NRG1: variants seen among roughly 807,000 people sequenced by gnomAD.
The protein encoded by NRG1 is neuregulin 1.
NRG1 carries 18 observed loss-of-function variants against 63.8 expected under a neutral mutation model. The observed-to-expected ratio is 0.28, with a 90% CI of 0.19 to 0.42. NRG1 has a LOEUF of 0.42. NRG1 is among the 10% of genes least tolerant of loss of function. NRG1 has a pLI of 1.00. For missense variants in NRG1, 762 were observed against 814.7 expected, an observed-to-expected ratio of 0.94 and a Z score of 0.79; for synonymous variants, 302 against 301.3, an observed-to-expected ratio of 1.00 and a Z score of -0.02.
At chr8:31,690,239 A>ACACG (rs201811888) in intron 1 of NRG1, among the ~76,000 whole-genome samples, 1 of 151,824 alleles carries the variant, frequency 6.6e-6, no homozygotes. Flanking sequence ...TGAGTCATTT[A>ACACG]TAAATTTCCT....
chr8:32,657,400 C>T (rs1387750603), intron 5 of NRG1, among the ~76,000 whole-genome samples: 1 of 152,064 alleles, frequency 6.6e-6, no homozygotes, highest in Non-Finnish European at 1.5e-5. Context: ...GCACATGGCT[C>T]CACACTTCTC....
intron 1 of NRG1, among the ~76,000 whole-genome samples, chr8:32,258,322 C>T (rs1248198736): frequency 2.6e-5 from 4 of 152,182 alleles, no homozygotes; most frequent in African/African-American, 9.7e-5. Context: ...ACAATGATAA[C>T]AGCTGATCTT....
chr8:32,171,089 A>G (rs1222174721), intron 1 of NRG1, among the ~76,000 whole-genome samples: 1 of 152,050 alleles, frequency 6.6e-6, no homozygotes. Flanking sequence ...TAGGGAGGAG[A>G]GGAGAGGCTG....
At chr8:32,445,130 A>G (rs1397158047) in intron 1 of NRG1, among the ~76,000 whole-genome samples, 1 of 152,194 alleles carries the variant, frequency 6.6e-6, no homozygotes, top group Non-Finnish European at 1.5e-5. Context: ...TGCAGATACC[A>G]AAATCCACAG....
At chr8:32,407,300 ATATATATATATATATATAT>A (rs1206402919) in intron 1 of NRG1, among the ~76,000 whole-genome samples, 2,502 of 7,646 alleles carry the variant, frequency 0.33, 94 homozygotes, top group South Asian at 0.5. Context: ...TATATTATAT[ATATATATATATATATATAT>A]TATATATATA....
At chr8:32,066,748 G>T (rs990087547) in intron 1 of NRG1, among the ~76,000 whole-genome samples, 1 of 152,106 alleles carries the variant, frequency 6.6e-6, no homozygotes, top group African/African-American at 2.4e-5. Flanking sequence ...GCTTGATGGG[G>T]ATGGCATTGA....
In NRG1 at chr8:31,640,446, C is replaced by T. The variant is rs1433600060; in HGVS notation, c.37+1015C>T. 2 of 1,546,282 alleles carry T rather than the reference C, an allele frequency of 1.3e-6. No homozygotes were observed. The highest frequency in any genetic ancestry group is 8.7e-7 in the Non-Finnish European group (1 of 1,147,760). On this transcript the variant is annotated intron_variant, in intron 1 of 10. Transcript: ENST00000519301. This position sits in a 1 kb window ranked among gnomAD's most constrained non-coding sequence, Gnocchi z 6.3. The stretch of plus-strand genomic sequence containing the variant: ...CCCCGGTGCCCAGCGCCGGCGAGCC[C>T]GGGGAGGAGGCGCCCTATCTGGTGA...
At chr8:31,835,150 C>G (rs919634061) in intron 1 of NRG1, among the ~76,000 whole-genome samples, 3 of 152,138 alleles carry the variant, frequency 2.0e-5, no homozygotes, top group Non-Finnish European at 2.9e-5. Context: ...ATGCTTAGGT[C>G]TTTTATTTCC....
At chr8:31,776,058 G>C (rs909971603) in intron 1 of NRG1, among the ~76,000 whole-genome samples, 1 of 152,122 alleles carries the variant, frequency 6.6e-6, no homozygotes, top group Non-Finnish European at 1.5e-5. Context: ...AAGCCTGCCA[G>C]AAAGTGATTT....
At chr8:32,426,255 A>G (rs949809264) in intron 1 of NRG1, among the ~76,000 whole-genome samples, 6 of 152,278 alleles carry the variant, frequency 3.9e-5, no homozygotes, top group East Asian at 1.9e-4. Flanking sequence ...AGATTCATCA[A>G]TGGCCGTAGG....
chr8:31,919,045 G>A (rs1833666238), intron 1 of NRG1, among the ~76,000 whole-genome samples: 1 of 152,114 alleles, frequency 6.6e-6, no homozygotes, highest in Non-Finnish European at 1.5e-5. Flanking sequence ...GATCAGTGGT[G>A]ATATCCCCTT....
At chr8:32,495,817 G>A (rs964388397) in intron 1 of NRG1, among the ~76,000 whole-genome samples, 6 of 152,130 alleles carry the variant, frequency 3.9e-5, no homozygotes, top group Admixed American at 3.9e-4. Flanking sequence ...TTTATTAGCA[G>A]TGTGAGAACA....
chr8:32,579,188 C>G (rs1367356936), intron 1 of NRG1, among the ~76,000 whole-genome samples: 1 of 122,320 alleles, frequency 8.2e-6, no homozygotes, highest in Non-Finnish European at 1.7e-5. Context: ...GAAGTTCTTT[C>G]TTCTGTCTTT....
At chr8:31,746,564 G>A (rs919542452) in intron 1 of NRG1, among the ~76,000 whole-genome samples, 2 of 151,930 alleles carry the variant, frequency 1.3e-5, no homozygotes, top group African/African-American at 4.8e-5. Flanking sequence ...AGGTAGGCCC[G>A]ATACAAGAAG....
intron 5 of NRG1, among the ~76,000 whole-genome samples, chr8:32,684,669 G>A (rs1809595717): frequency 1.3e-5 from 2 of 151,854 alleles, no homozygotes; most frequent in African/African-American, 4.8e-5. Flanking sequence ...TATTTATGGG[G>A]GAACCTTTCT....
chr8:31,640,523 T>C lies in NRG1; in HGVS notation c.37+1092T>C. 2 of 1,611,632 alleles carry C rather than the reference T, an allele frequency of 1.2e-6. No homozygotes were observed. The highest frequency in any genetic ancestry group is 8.5e-7 in the Non-Finnish European group (1 of 1,179,386). On this transcript the variant is annotated intron_variant, in intron 1 of 10. Transcript: ENST00000519301. The surrounding 1 kb of genome is among the most constrained non-coding windows in gnomAD (Gnocchi z 6.3). ...GCCGGGGGCTTGAAGAAGGACTCGC[T>C]GCTCACCGTGCGCCTGGGGACCTGG...
chr8:31,734,823 C>T (rs988145639), intron 1 of NRG1, among the ~76,000 whole-genome samples: 8 of 152,118 alleles, frequency 5.3e-5, no homozygotes, highest in Non-Finnish European at 1.2e-4. Context: ...ACATACCCTC[C>T]TCTCCTGTTT....
intron 1 of NRG1, among the ~76,000 whole-genome samples, chr8:32,245,291 G>A (rs1848497164): frequency 6.6e-6 from 1 of 152,134 alleles, no homozygotes; most frequent in Non-Finnish European, 1.5e-5. Flanking sequence ...GTGACATCAA[G>A]TTAGGGAAAG....
intron 1 of NRG1, among the ~76,000 whole-genome samples, chr8:31,781,946 A>C (rs2131616840): frequency 6.6e-6 from 1 of 152,262 alleles, no homozygotes; most frequent in Admixed American, 6.5e-5. Flanking sequence ...GCTAAGAGGA[A>C]GAGAGTGGGC....
Sources: gnomAD v4.1 joint callset for allele counts (sites outside exome capture counted in the v4.1 genomes callset) on GRCh38, gnomAD v4.1.1 for gene constraint, Gnocchi (gnomAD v3.1) non-coding constraint, MANE v1.5 for transcripts, NCBI Gene and HGNC (gene_info 2026-07-23, HGNC 2026-07-21) for gene names.